The following TNFRSF4 variants were observed in gnomAD, a reference collection of about 807,000 sequenced individuals.
The protein encoded by TNFRSF4 is tumor necrosis factor receptor superfamily member 4.
A neutral mutation model predicts 29.5 loss-of-function variants in TNFRSF4; 21 were observed. The observed-to-expected ratio is 0.71, with a 90% CI of 0.51 to 1.03. The LOEUF (loss-of-function observed/expected upper bound fraction) is 1.03. TNFRSF4 is among the 50% of genes least tolerant of loss of function. The probability of loss-of-function intolerance (pLI) is 0.00; values close to 1 mark genes in which losing one functional copy is unlikely to be tolerated. For synonymous variants in TNFRSF4, 197 were observed against 172.7 expected (o/e 1.14, Z -1.10); for missense variants, 408 against 387.8 (o/e 1.05, Z -0.44).
intron 2 of TNFRSF4, 80 bp downstream of exon 2, chr1:1,213,583 C>A (rs1177204267): frequency 4.7e-6 from 7 of 1,493,990 alleles, no homozygotes; most frequent in Non-Finnish European, 6.3e-6. Context: ...GTGGGAGCCC[C>A]ATGCTGCTGC....
chr1:1,212,871 C>T (rs1216852410), intron 3 of TNFRSF4, 121 bp downstream of exon 3: 9 of 1,286,780 alleles, frequency 7.0e-6, no homozygotes, highest in South Asian at 1.5e-5. Context: ...CCCGGGAGCT[C>T]GGTCTTGAGG....
chr1:1,211,982 G>T lies in TNFRSF4; in HGVS notation c.594C>A (p.Thr198=). ...CGGGCCGGGTGGAGGGTCCCTGTGA[G>T]GTTCTGGGCCAGGCTTCAGTGGGCT... The part of the protein sequence containing the change: ...TVQPTEAWPR[T]SQGPSTRPVE... Residue 198 remains threonine, a synonymous_variant, in exon 5 of 7, where the codon ACC becomes ACA. Transcript: ENST00000379236. The T allele has an allele frequency of 6.2e-7, 1 of 1,602,182 alleles. No individual in the cohort carries two copies. Among genetic ancestry groups the T allele is most frequent in the Non-Finnish European group, 8.5e-7 (1 of 1,175,254 alleles).
Position 1,213,780 on chromosome 1 carries a change from C to G in TNFRSF4, c.151G>C (p.Gly51Arg), listed in dbSNP as rs775248751. 6.3e-7 allele frequency: 1 copy of G among 1,598,484 alleles called. No individual in the cohort carries two copies. The highest frequency in any genetic ancestry group is 8.5e-7 in the Non-Finnish European group (1 of 1,174,574). ...GAGCGGCTGCAGCGGCTCACCATCC[C>G]GTTGCCTGCAGCAGAGGCCGGCGTC... is the stretch of plus-strand genomic sequence containing the variant. ...RCCHECRPGN[G>R]MVSRCSRSQN... The change falls in exon 2 of 7, where the codon GGG becomes CGG. Residue 51 changes from glycine to arginine, a missense_variant. By Grantham distance (125) the Gly-to-Arg change is moderately radical. Coordinates refer to ENST00000379236, the MANE Select transcript of TNFRSF4 (RefSeq NM_003327.4).
At chr1:1,213,552 T>G in intron 2 of TNFRSF4, 111 bp downstream of exon 2, 1 of 1,471,684 alleles carries the variant, frequency 6.8e-7, no homozygotes, top group Non-Finnish European at 9.0e-7. Context: ...CCGCTGTGGT[T>G]TGAGGTTCGT....
intron 2 of TNFRSF4, 32 bp from the exon 3 acceptor site, chr1:1,213,125 G>T (rs370649436): frequency 6.3e-6 from 10 of 1,584,710 alleles, no homozygotes; most frequent in Non-Finnish European, 8.6e-6. Flanking sequence ...GGGTGGTCAG[G>T]TGGGGGCTGT....
chr1:1,214,117 C>G lies in TNFRSF4; in HGVS notation c.11G>C (p.Gly4Ala), dbSNP rs1295347453. Residue 4 changes from glycine to alanine, a missense_variant, in exon 1 of 7, where the codon GGG (glycine) becomes GCG (alanine). Coordinates refer to ENST00000379236, the MANE Select transcript of TNFRSF4 (RefSeq NM_003327.4). The surrounding 1 kb of genome is among the most constrained non-coding windows in gnomAD (Gnocchi z 4.2). MCV[G>A]ARRLGRGPCA... The stretch of plus-strand genomic sequence containing the variant: ...CGGCCCGCGGCCCAGCCGCCGAGCC[C>G]CCACGCACATCCTCGTCTCTGCTGT... 1 of 1,581,706 alleles carries G rather than the reference C, an allele frequency of 6.3e-7. No homozygotes were observed. Among genetic ancestry groups the G allele is most frequent in the Non-Finnish European group, 8.5e-7 (1 of 1,170,172 alleles).
intron 2 of TNFRSF4, chr1:1,213,420 C>T: frequency 6.5e-7 from 1 of 1,532,696 alleles, no homozygotes; most frequent in Non-Finnish European, 8.7e-7. Flanking sequence ...GGCCAGGCCA[C>T]ATGGCCAGCG....
At position 1,211,971 on chromosome 1, in the gene TNFRSF4, G is replaced by T. The variant is rs1457059930; in HGVS notation, c.605C>A (p.Pro202His). ...TEAWPRTSQG[P>H]STRPVEVPGG... The stretch of plus-strand genomic sequence containing the variant: ...GGGGACCTCCACGGGCCGGGTGGAG[G>T]GTCCCTGTGAGGTTCTGGGCCAGGC... Residue 202 changes from proline (P) to histidine (H), a missense_variant, in exon 5 of 7, where the codon CCC (proline) becomes CAC (histidine). Pro to His is a moderately conservative substitution (Grantham distance 77). Transcript: ENST00000379236. The T allele has an allele frequency of 2.5e-6, 4 of 1,592,074 alleles. No homozygotes were observed. The East Asian group carries it at 6.8e-5, about 27-fold the overall frequency.
At position 1,213,088 on chromosome 1, in the gene TNFRSF4, C is replaced by T; in HGVS notation, c.274G>A (p.Gly92Arg). The change falls in exon 3 of 7, where the codon GGG becomes AGG. Residue 92 changes from glycine (G) to arginine (R), a missense_variant. Coordinates refer to ENST00000379236, the MANE Select transcript of TNFRSF4 (RefSeq NM_003327.4). ...GTGCACAGCTGCTTCCGCTCACTCC[C>T]ACTTCCTGAGCAGGGGCCGGATGGG... ...KPCTWCNLRSGSERKQLCTAT... is the reference protein window; with the variant it reads ...KPCTWCNLRSRSERKQLCTAT... 2.5e-6 allele frequency: 4 copies of T among 1,609,290 alleles called. No homozygotes were observed. The highest frequency in any genetic ancestry group is 3.4e-6 in the Non-Finnish European group (4 of 1,178,844).
At chr1:1,213,625 T>C in intron 2 of TNFRSF4, 38 bp downstream of exon 2, 1 of 1,544,492 alleles carries the variant, frequency 6.5e-7, no homozygotes, top group Non-Finnish European at 8.7e-7. Context: ...TGCCGCCCCC[T>C]GTGCTGGGTG....
Position 1,211,701 on chromosome 1 carries a change from C to G in TNFRSF4, c.763+3G>C. ...CAGTGCGGCAGGGCCATGAGGCACT[C>G]ACCAGGGGGCTTGTGGGCATCGGGG... On this transcript the variant is annotated splice_donor_region_variant and intron_variant, in intron 6 of 6. Transcript: ENST00000379236. The G allele has an allele frequency of 1.3e-6, 2 of 1,591,690 alleles. No individual in the cohort carries two copies. The highest frequency in any genetic ancestry group is 1.3e-5 in the African/African-American group (1 of 74,378).
Position 1,212,674 on chromosome 1 carries a change from G to C in TNFRSF4, c.401C>G (p.Ser134Cys), listed in dbSNP as rs1368439303. ...DCAPCPPGHF[S>C]PGDNQACKPW... ...CTTGCAGGCCTGGTTGTCGCCTGGG[G>C]AGAAGTGCCCTGGAGGGCAGGGGGC... The change falls in exon 4 of 7, where the codon TCC (serine) becomes TGC (cysteine). Residue 134 changes from serine (S) to cysteine (C), a missense_variant. Ser to Cys is a moderately radical substitution (Grantham distance 112, BLOSUM62 -1). Coordinates refer to ENST00000379236, the MANE Select transcript of TNFRSF4 (RefSeq NM_003327.4). 4 of 1,552,254 alleles carry C rather than the reference G, an allele frequency of 2.6e-6. No individual in the cohort carries two copies. The highest frequency in any genetic ancestry group is 2.6e-6 in the Non-Finnish European group (3 of 1,152,598).
intron 2 of TNFRSF4, 116 bp from the exon 3 acceptor site, chr1:1,213,209 G>A: frequency 2.6e-6 from 4 of 1,535,552 alleles, no homozygotes; most frequent in Non-Finnish European, 2.6e-6. Context: ...CCGTGGGCAG[G>A]GGTCTGCGGC....
At position 1,211,622 on chromosome 1, in the gene TNFRSF4, C is replaced by T; in HGVS notation, c.767G>A (p.Gly256Glu). Reference protein sequence around the residue: ...LPPDAHKPPGGGSFRTPIQEE... With the variant: ...LPPDAHKPPGEGSFRTPIQEE... ...TTGGATGGGGGTCCGGAAACTGCCT[C>T]CCCCTGGGGAGGAAAAAAGGAGAGA... The change falls in exon 7 of 7, where the codon GGA (glycine) becomes GAA (glutamate). Residue 256 changes from glycine (G) to glutamate (E), a missense_variant. Transcript: ENST00000379236. 1 of 1,546,162 alleles carries T rather than the reference C, an allele frequency of 6.5e-7. No homozygotes were observed. The highest frequency in any genetic ancestry group is 1.4e-5 in the African/African-American group (1 of 71,690).
Position 1,211,989 on chromosome 1 carries a change from G to C in TNFRSF4, c.587C>G (p.Pro196Arg), listed in dbSNP as rs1649150925. The change falls in exon 5 of 7, where the codon CCC (proline) becomes CGC (arginine). Residue 196 changes from proline (P) to arginine (R), a missense_variant. Coordinates refer to ENST00000379236, the MANE Select transcript of TNFRSF4 (RefSeq NM_003327.4). Reference sequence around the variant, plus strand: ...GGTGGAGGGTCCCTGTGAGGTTCTGGGCCAGGCTTCAGTGGGCTGGACAGT... The same window carrying C: ...GGTGGAGGGTCCCTGTGAGGTTCTGCGCCAGGCTTCAGTGGGCTGGACAGT... ...PITVQPTEAWPRTSQGPSTRP... is the reference protein window; with the variant it reads ...PITVQPTEAWRRTSQGPSTRP... 1 of 1,605,044 alleles carries C rather than the reference G, an allele frequency of 6.2e-7. No individual in the cohort carries two copies. Among genetic ancestry groups the C allele is most frequent in the African/African-American group, 1.3e-5 (1 of 74,732 alleles).
At chr1:1,212,276 C>T in intron 4 of TNFRSF4, 138 bp from the exon 5 acceptor site, 1 of 1,015,796 alleles carries the variant, frequency 9.8e-7, no homozygotes, top group Non-Finnish European at 1.5e-6. Context: ...GCCAAGGACG[C>T]TGCCCAGCCC....
chr1:1,211,814 A>C lies in TNFRSF4; in HGVS notation c.653T>G (p.Ile218Ser). The change falls in exon 6 of 7, where the codon ATC (isoleucine) becomes AGC (serine). Residue 218 changes from isoleucine to serine, a missense_variant. Physicochemically the swap from Ile to Ser is moderately radical, Grantham distance 142. Coordinates refer to ENST00000379236, the MANE Select transcript of TNFRSF4 (RefSeq NM_003327.4). ...EVPGGRAVAAILGLGLVLGLL... is the reference protein window; with the variant it reads ...EVPGGRAVAASLGLGLVLGLL... ...CCCCAGCACCAGGCCCAGGCCCAGG[A>C]TGGCGGCAACCGCACGGCCTGCAGG... is the stretch of plus-strand genomic sequence containing the variant. The C allele has an allele frequency of 1.3e-6, 2 of 1,553,298 alleles. No individual in the cohort carries two copies. Among genetic ancestry groups the C allele is most frequent in the Non-Finnish European group, 1.7e-6 (2 of 1,153,024 alleles).
chr1:1,213,316 C>A, intron 2 of TNFRSF4: 1 of 1,524,980 alleles, frequency 6.6e-7, no homozygotes, highest in South Asian at 1.2e-5. Context: ...CCCCAGCCAC[C>A]CTTCCCTACC....
Position 1,211,780 on chromosome 1 carries a change from G to C in TNFRSF4, c.687C>G (p.Gly229=), listed in dbSNP as rs879206506. The C allele has an allele frequency of 1.3e-6, 2 of 1,559,692 alleles. No homozygotes were observed. The highest frequency in any genetic ancestry group is 2.7e-5 in the African/African-American group (2 of 73,820). The change falls in exon 6 of 7, where the codon GGC becomes GGG. Residue 229 remains glycine, a synonymous_variant. Coordinates refer to ENST00000379236, the MANE Select transcript of TNFRSF4 (RefSeq NM_003327.4). ...ACAGGGCCAGCAGGATGGCCAGGGG[G>C]CCCAGCAGCCCCAGCACCAGGCCCA... ...LGLGLVLGLL[G]PLAILLALYL...
Sources: allele counts gnomAD v4.1 joint callset, GRCh38; gene constraint gnomAD v4.1.1; non-coding constraint Gnocchi (gnomAD v3.1); transcripts MANE v1.5; gene names NCBI Gene and HGNC (gene_info 2026-07-23, HGNC 2026-07-21).